Variants in DFFA observed in about 807,000 individuals in gnomAD.
The protein encoded by DFFA is DFF45.
In DFFA, 14 loss-of-function variants were observed where a neutral mutation model predicts 28.0. The observed-to-expected ratio is 0.50, with a 90% CI of 0.33 to 0.78. DFFA has a LOEUF of 0.78. DFFA is among the 30% of genes least tolerant of loss of function. The pLI, the probability that DFFA is intolerant of heterozygous loss-of-function variation, is 0.02. For missense variants in DFFA, 395 were observed against 407.1 expected (o/e 0.97, Z 0.26); for synonymous variants, 158 against 170.3 (o/e 0.93, Z 0.56).
chr1:10,471,333 T>C (rs568027816), intron 1 of DFFA, among the ~76,000 whole-genome samples: 7 of 152,164 alleles, frequency 4.6e-5, no homozygotes, highest in African/African-American at 7.2e-5. Context: ...TACCACCCAA[T>C]AGAACAGCAA....
intron 5 of DFFA, 90 bp downstream of exon 5, chr1:10,462,968 G>T: frequency 6.3e-7 from 1 of 1,578,228 alleles, no homozygotes; most frequent in South Asian, 1.1e-5. Flanking sequence ...CTGCAGAGGT[G>T]AACAAAAGGG....
At position 10,459,465 on chromosome 1, in the gene DFFA, T is replaced by C. The variant is rs1640898727; in HGVS notation, c.*2025A>G. 2 of 152,138 alleles carry C rather than the reference T, an allele frequency of 1.3e-5. No individual in the cohort carries two copies. The highest frequency in any genetic ancestry group is 2.4e-5 in the African/African-American group (1 of 41,432). 9.4% of individuals were successfully genotyped at this position (152,138 alleles called of 1,614,324 possible). A position where few individuals can be genotyped will look rare whatever the true frequency, so the allele number is the denominator to read the frequency against. ...ACTGAAGAGTTTCACGGTGGTGAGA[T>C]AGAATTTCACAATACTGAGTGAGAT... is the stretch of plus-strand genomic sequence containing the variant. On this transcript the variant is annotated 3_prime_UTR_variant, in exon 6 of 6. Coordinates refer to ENST00000377038, the MANE Select transcript of DFFA (RefSeq NM_004401.3).
Position 10,467,291 on chromosome 1 carries a change from C to T in DFFA, c.340G>A (p.Asp114Asn). Reference protein sequence around the residue: ...AWISQESFDVDETDSGAGLKW... With the variant: ...AWISQESFDVNETDSGAGLKW... Reference sequence around the variant, plus strand: ...AACCCTGCCCCGCTGTCTGTTTCATCTACATCAAAGGACTCTTGGGAAATC... The same window carrying T: ...AACCCTGCCCCGCTGTCTGTTTCATTTACATCAAAGGACTCTTGGGAAATC... The change falls in exon 3 of 6, where the codon GAT (aspartate) becomes AAT (asparagine). Residue 114 changes from aspartate (D) to asparagine (N), a missense_variant. Coordinates refer to ENST00000377038, the MANE Select transcript of DFFA (RefSeq NM_004401.3). 3.7e-6 allele frequency: 6 copies of T among 1,614,142 alleles called. No homozygotes were observed. Among genetic ancestry groups the T allele is most frequent in the Non-Finnish European group, 5.1e-6 (6 of 1,180,020 alleles).
chr1:10,463,525 A>G lies in DFFA; in HGVS notation c.537T>C (p.Leu179=), dbSNP rs1275871580. 1.9e-6 allele frequency: 3 copies of G among 1,614,034 alleles called. No homozygotes were observed. The highest frequency in any genetic ancestry group is 1.7e-5 in the Admixed American group (1 of 59,982). ...QRLQHTLQQV[L]DQREEVRQSK... ...ACTGACGCACTTCCTCTCTTTGGTCAAGCACCTGTTGGAGTGTGTGCTGCA... is the reference window on the plus strand; with the variant it reads ...ACTGACGCACTTCCTCTCTTTGGTCGAGCACCTGTTGGAGTGTGTGCTGCA... The change falls in exon 4 of 6, where the codon CTT becomes CTC. Residue 179 remains leucine (L), a synonymous_variant. Transcript: ENST00000377038.
At chr1:10,469,554 T>C (rs554526760) in intron 1 of DFFA, among the ~76,000 whole-genome samples, 2 of 152,206 alleles carry the variant, frequency 1.3e-5, no homozygotes, top group Admixed American at 1.3e-4. Context: ...AGGGTCTCAC[T>C]CTGTTACCCA....
Position 10,472,494 on chromosome 1 carries a change from T to C in DFFA, c.-36A>G. The C allele has an allele frequency of 6.4e-7, 1 of 1,556,146 alleles. No individual in the cohort carries two copies. The highest frequency in any genetic ancestry group is 1.2e-5 in the South Asian group (1 of 86,370). On this transcript the variant is annotated 5_prime_UTR_variant, in exon 1 of 6. Transcript: ENST00000377038. This position sits in a 1 kb window ranked among gnomAD's most constrained non-coding sequence, Gnocchi z 5.0. ...GTGGGACCTGCCCACCTTCGAGAAG[T>C]CGCGGGAGGCCGGAGCGGCGGTCCT...
intron 1 of DFFA, among the ~76,000 whole-genome samples, chr1:10,471,007 GAGCCGAGAT>G (rs1224510700): frequency 6.2e-5 from 9 of 144,284 alleles, no homozygotes. Flanking sequence ...AGCTTGCAGT[GAGCCGAGAT>G]AGCGCCACTG....
chr1:10,462,842 T>G, intron 5 of DFFA: 1 of 1,393,976 alleles, frequency 7.2e-7, no homozygotes, highest in Non-Finnish European at 9.3e-7. Context: ...CAGAGTCTGT[T>G]TGATGATCTG....
chr1:10,463,712 T>C (rs1640983676), intron 3 of DFFA, 92 bp from the exon 4 acceptor site: 3 of 1,302,530 alleles, frequency 2.3e-6, no homozygotes, highest in South Asian at 3.0e-5. Flanking sequence ...TTGCCCAGGC[T>C]GGAGTGCGAT....
At position 10,460,876 on chromosome 1, in the gene DFFA, T is replaced by C. The variant is rs186095987; in HGVS notation, c.*614A>G. ...TTCCATATGGGGCAGGGCTAAATGTTAGGCAGTGCGCCCATAGTCACTGCC... is the reference window on the plus strand; with the variant it reads ...TTCCATATGGGGCAGGGCTAAATGTCAGGCAGTGCGCCCATAGTCACTGCC... On this transcript the variant is annotated 3_prime_UTR_variant, in exon 6 of 6. Transcript: ENST00000377038. The C allele has an allele frequency of 6.5e-3, 983 of 150,952 alleles. 17 individuals are homozygous for C. Among genetic ancestry groups the C allele is most frequent in the African/African-American group, 0.023 (936 of 40,912 alleles). 9.4% of individuals were successfully genotyped at this position (150,952 alleles called of 1,614,324 possible).
intron 5 of DFFA, chr1:10,462,381 C>T (rs1241976161): frequency 1.0e-6 from 1 of 976,678 alleles, no homozygotes; most frequent in Non-Finnish European, 1.2e-6. Context: ...ATCCACCTGC[C>T]TCGGCCTCCC....
In DFFA at chr1:10,463,512, C is replaced by T; in HGVS notation, c.550G>A (p.Glu184Lys). ...TLQQVLDQRE[E>K]VRQSKQLLQL... is the part of the protein sequence containing the mutation. ...AGGAGCTGCTTGGACTGACGCACTT[C>T]CTCTCTTTGGTCAAGCACCTGTTGG... Residue 184 changes from glutamate to lysine, a missense_variant, in exon 4 of 6, where the codon GAA (glutamate) becomes AAA (lysine). Physicochemically the swap from Glu to Lys is moderately conservative, Grantham distance 56 (BLOSUM62 1). Coordinates refer to ENST00000377038, the MANE Select transcript of DFFA (RefSeq NM_004401.3). The T allele has an allele frequency of 6.2e-7, 1 of 1,614,182 alleles. No individual in the cohort carries two copies. The highest frequency in any genetic ancestry group is 8.5e-7 in the Non-Finnish European group (1 of 1,180,054).
chr1:10,461,244 A>G lies in DFFA; in HGVS notation c.*246T>C. The G allele has an allele frequency of 2.0e-6, 1 of 507,792 alleles. No individual in the cohort carries two copies. The highest frequency in any genetic ancestry group is 3.5e-6 in the Non-Finnish European group (1 of 287,224). The allele number at this position is 507,792 out of a possible 1,614,324, so 31.5% of individuals were successfully genotyped here. A position where few individuals can be genotyped will look rare whatever the true frequency, so the allele number is the denominator to read the frequency against. Reference sequence around the variant, plus strand: ...ATTACTTTTGAACAGAGAACATCATATGTAATTAGAGGAGGCGGGATATTG... The same window carrying G: ...ATTACTTTTGAACAGAGAACATCATGTGTAATTAGAGGAGGCGGGATATTG... On this transcript the variant is annotated 3_prime_UTR_variant, in exon 6 of 6. Transcript: ENST00000377038.
intron 5 of DFFA, chr1:10,462,526 G>C (rs1008978081): frequency 9.7e-5 from 96 of 989,826 alleles, no homozygotes; most frequent in Non-Finnish European, 1.1e-4. Flanking sequence ...AGGAAATTTA[G>C]CCAAGCTCAA....
chr1:10,469,246 G>A lies in DFFA; in HGVS notation c.229C>T (p.Leu77=), dbSNP rs1641061819. 1.2e-6 allele frequency: 2 copies of A among 1,614,186 alleles called. No individual in the cohort carries two copies. The highest frequency in any genetic ancestry group is 8.5e-7 in the Non-Finnish European group (1 of 1,179,996). ...GTIVDDDDYF[L]CLPSNTKFVA... ...AACTTAGTATTGGAAGGTAGACACA[G>A]AAAGTAATCGTCATCATCCACTATG... is the stretch of plus-strand genomic sequence containing the variant. The change falls in exon 2 of 6, where the codon CTG becomes TTG. Residue 77 remains leucine, a synonymous_variant. Coordinates refer to ENST00000377038, the MANE Select transcript of DFFA (RefSeq NM_004401.3).
intron 1 of DFFA, among the ~76,000 whole-genome samples, chr1:10,471,115 T>C (rs2124350225): frequency 6.6e-6 from 1 of 151,928 alleles, no homozygotes; most frequent in Admixed American, 6.6e-5. Flanking sequence ...GTATCTTCCT[T>C]AGCAGCTTCT....
Position 10,459,161 on chromosome 1 carries a change from A to T in DFFA, c.*2329T>A, listed in dbSNP as rs997160475. The T allele has an allele frequency of 6.6e-6, 1 of 152,194 alleles. No individual in the cohort carries two copies. The highest frequency in any genetic ancestry group is 2.4e-5 in the African/African-American group (1 of 41,428). 9.4% of individuals were successfully genotyped at this position (152,194 alleles called of 1,614,324 possible). A position where few individuals can be genotyped will look rare whatever the true frequency, so the allele number is the denominator to read the frequency against. On this transcript the variant is annotated 3_prime_UTR_variant, in exon 6 of 6. Transcript: ENST00000377038. Reference sequence around the variant, plus strand: ...GAGCCACTGCGCCCGGCCTATTGTGATATTTCTTTACTTAATAACTAGCAG... The same window carrying T: ...GAGCCACTGCGCCCGGCCTATTGTGTTATTTCTTTACTTAATAACTAGCAG...
chr1:10,462,920 G>A, intron 5 of DFFA, 138 bp downstream of exon 5: 2 of 1,480,314 alleles, frequency 1.4e-6, no homozygotes, highest in African/African-American at 2.8e-5. Flanking sequence ...CAAATGCCTT[G>A]GCATATAATA....
intron 2 of DFFA, among the ~76,000 whole-genome samples, chr1:10,468,479 G>A (rs1641051329): frequency 6.6e-6 from 1 of 151,562 alleles, no homozygotes; most frequent in Admixed American, 6.6e-5. Flanking sequence ...TGTCAGCAGT[G>A]TCATTGAGAA....
Sources: allele counts gnomAD v4.1 joint callset (sites outside exome capture counted in the v4.1 genomes callset), GRCh38; gene constraint gnomAD v4.1.1; non-coding constraint Gnocchi (gnomAD v3.1); transcripts MANE v1.5; gene names NCBI Gene and HGNC (gene_info 2026-07-23, HGNC 2026-07-21).